Variants in HCRTR2 observed in about 807,000 individuals in gnomAD.
The protein encoded by HCRTR2 is orexin receptor type 2.
Under a neutral mutation model 49.0 loss-of-function variants are expected in HCRTR2, and 22 were observed. The observed-to-expected ratio is 0.45, with a 90% CI of 0.32 to 0.64. The LOEUF (loss-of-function observed/expected upper bound fraction) is 0.64, where lower values mean the gene tolerates loss of function less well. Ranked by LOEUF, HCRTR2 falls within the 30% of genes least tolerant of loss-of-function variation. The probability of loss-of-function intolerance (pLI) is 0.04; values close to 1 mark genes in which losing one functional copy is unlikely to be tolerated. For missense variants in HCRTR2, 491 were observed against 559.4 expected (o/e 0.88, Z 1.23); for synonymous variants, 236 against 205.3 (o/e 1.15, Z -1.28).
At chr6:55,166,671 G>A (rs1038654109) in intron 1 of HCRTR2, among the ~76,000 whole-genome samples, 3 of 152,052 alleles carry the variant, frequency 2.0e-5, no homozygotes, top group Non-Finnish European at 4.4e-5. Context: ...TCAACATAGA[G>A]TTACTGTATG....
intron 1 of HCRTR2, among the ~76,000 whole-genome samples, chr6:55,126,485 A>T (rs9367615): frequency 6.6e-6 from 1 of 152,012 alleles, no homozygotes; most frequent in Non-Finnish European, 1.5e-5. Flanking sequence ...GCTTCATCCC[A>T]GAGATCCCCT....
chr6:55,268,151 A>C (rs1441393508), intron 4 of HCRTR2, among the ~76,000 whole-genome samples: 3 of 152,166 alleles, frequency 2.0e-5, no homozygotes, highest in Non-Finnish European at 2.9e-5. Flanking sequence ...TTAAGTTGCT[A>C]ATTTTAATTC....
At chr6:55,145,337 C>G (rs1764564186) in intron 1 of HCRTR2, among the ~76,000 whole-genome samples, 2 of 151,842 alleles carry the variant, frequency 1.3e-5, no homozygotes, top group African/African-American at 2.4e-5. Context: ...CACGTATCCA[C>G]GGAAGATGTC....
chr6:55,149,176 A>G (rs1199216913), intron 1 of HCRTR2, among the ~76,000 whole-genome samples: 3 of 152,034 alleles, frequency 2.0e-5, no homozygotes, highest in Non-Finnish European at 4.4e-5. Flanking sequence ...ATTCTTCTAA[A>G]GCTGTTTTAT....
intron 1 of HCRTR2, among the ~76,000 whole-genome samples, chr6:55,166,872 ATAAT>A (rs1481726899): frequency 5.3e-5 from 8 of 152,178 alleles, no homozygotes. Context: ...AGCCACAAAA[ATAAT>A]AAAGTACGGA....
chr6:55,110,467 C>T (rs1179342814), intron 1 of HCRTR2, among the ~76,000 whole-genome samples: 1 of 152,026 alleles, frequency 6.6e-6, no homozygotes, highest in Non-Finnish European at 1.5e-5. Flanking sequence ...CAAATACCTG[C>T]AATCTTCAAG....
At chr6:55,252,206 A>C (rs1333020955) in intron 2 of HCRTR2, among the ~76,000 whole-genome samples, 1 of 152,054 alleles carries the variant, frequency 6.6e-6, no homozygotes, top group Non-Finnish European at 1.5e-5. Context: ...GATACATCAC[A>C]CTAGCATATT....
chr6:55,126,652 G>A (rs1026201462), intron 1 of HCRTR2, among the ~76,000 whole-genome samples: 2 of 152,152 alleles, frequency 1.3e-5, no homozygotes, highest in South Asian at 2.1e-4. Context: ...TCTTCAGAGC[G>A]GTCAGGCAGG....
At chr6:55,157,537 A>C (rs540474362) in intron 1 of HCRTR2, among the ~76,000 whole-genome samples, 4 of 152,328 alleles carry the variant, frequency 2.6e-5, no homozygotes, top group African/African-American at 9.6e-5. Context: ...TTCAGGGAAC[A>C]CAGGTGGTAG....
chr6:55,279,213 T>TA (rs1161818353), intron 5 of HCRTR2, among the ~76,000 whole-genome samples: 1 of 152,108 alleles, frequency 6.6e-6, no homozygotes, highest in African/African-American at 2.4e-5. Flanking sequence ...CAAATGCTTA[T>TA]ATTTATTTAT....
intron 4 of HCRTR2, among the ~76,000 whole-genome samples, chr6:55,272,359 G>A (rs965186083): frequency 2.6e-5 from 4 of 152,038 alleles, no homozygotes; most frequent in Non-Finnish European, 5.9e-5. Context: ...GGCAGAATGG[G>A]ACAATGAGAA....
At chr6:55,202,292 T>A (rs1765525134) in intron 1 of HCRTR2, among the ~76,000 whole-genome samples, 1 of 152,186 alleles carries the variant, frequency 6.6e-6, no homozygotes, top group Admixed American at 6.5e-5. Context: ...TGCTAAATAC[T>A]CTCAACCCAC....
At chr6:55,184,707 C>G (rs1765188454) in intron 1 of HCRTR2, among the ~76,000 whole-genome samples, 2 of 152,242 alleles carry the variant, frequency 1.3e-5, no homozygotes, top group South Asian at 4.1e-4. Context: ...AGTTTAGAAG[C>G]TTTTATTTGC....
At chr6:55,270,304 A>G (rs953560087) in intron 4 of HCRTR2, among the ~76,000 whole-genome samples, 1 of 152,222 alleles carries the variant, frequency 6.6e-6, no homozygotes, top group African/African-American at 2.4e-5. Flanking sequence ...CTATACATGA[A>G]TATCATTTAC....
At chr6:55,121,551 G>A (rs1764199696) in intron 1 of HCRTR2, among the ~76,000 whole-genome samples, 1 of 152,090 alleles carries the variant, frequency 6.6e-6, no homozygotes, top group Non-Finnish European at 1.5e-5. Flanking sequence ...GTTTTCAAAG[G>A]GAATGCTTCC....
intron 1 of HCRTR2, among the ~76,000 whole-genome samples, chr6:55,188,325 T>C (rs1235607941): frequency 1.3e-5 from 2 of 152,174 alleles, no homozygotes; most frequent in African/African-American, 4.8e-5. Context: ...GAGCGAGGAA[T>C]ACAAGAGCAA....
At chr6:55,192,413 G>GTGCACA (rs1554171108) in intron 1 of HCRTR2, among the ~76,000 whole-genome samples, 27 of 128,450 alleles carry the variant, frequency 2.1e-4, no homozygotes, top group Non-Finnish European at 3.6e-4. Context: ...GCGCGCGCGC[G>GTGCACA]CACACACACA....
chr6:55,278,811 C>T (rs938541046), intron 5 of HCRTR2, among the ~76,000 whole-genome samples: 8 of 151,224 alleles, frequency 5.3e-5, no homozygotes, highest in Non-Finnish European at 7.4e-5. Flanking sequence ...TAGATACTCT[C>T]TTCTGCTTTT....
At chr6:55,251,042 C>A (rs541103730) in intron 2 of HCRTR2, among the ~76,000 whole-genome samples, 1 of 152,240 alleles carries the variant, frequency 6.6e-6, no homozygotes, top group African/African-American at 2.4e-5. Context: ...TTCCCAAATG[C>A]AATGAACAGT....
Sources: allele counts gnomAD v4.1 joint callset (sites outside exome capture counted in the v4.1 genomes callset), GRCh38; gene constraint gnomAD v4.1.1; transcripts MANE v1.5; gene names NCBI Gene and HGNC (gene_info 2026-07-23, HGNC 2026-07-21).